IMPA1: variants seen among roughly 807,000 people sequenced by gnomAD.
IMPA1 encodes the protein D-galactose 1-phosphate phosphatase.
In IMPA1, 21 loss-of-function variants were observed where a neutral mutation model predicts 34.9. The observed-to-expected ratio is 0.60, with a 90% CI of 0.43 to 0.87. The LOEUF is 0.87. Among genes scored for constraint, IMPA1 ranks in the 40% least tolerant of loss-of-function variants. IMPA1 has a pLI of 0.00. For synonymous variants in IMPA1, 95 were observed against 104.4 expected (o/e 0.91, Z 0.55); for missense variants, 299 against 336.4 (o/e 0.89, Z 0.87).
Position 81,659,452 on chromosome 8 carries a change from A to C in IMPA1, c.733T>G (p.Leu245Val). 2 of 1,595,808 alleles carry C rather than the reference A, an allele frequency of 1.3e-6. No individual in the cohort carries two copies. Among genetic ancestry groups the C allele is most frequent in the East Asian group, 2.2e-5 (1 of 44,742 alleles). ...GCAGCAATTACTCTTCGTGACATCA[A>C]ATCAAATGGTCCACCTAAAAGCAAA... The part of the protein sequence containing the change: ...LMDVTGGPFD[L>V]MSRRVIAANN... Residue 245 changes from leucine (L) to valine (V), a missense_variant, in exon 9 of 9, where the codon TTG becomes GTG. Leu to Val is a conservative substitution (Grantham distance 32, BLOSUM62 1). Coordinates refer to ENST00000256108, the MANE Select transcript of IMPA1 (RefSeq NM_005536.4).
chr8:81,658,060 T>C lies in IMPA1; in HGVS notation c.*1291A>G, dbSNP rs1806568281. 1 of 152,152 alleles carries C rather than the reference T, an allele frequency of 6.6e-6. No homozygotes were observed. The highest frequency in any genetic ancestry group is 1.5e-5 in the Non-Finnish European group (1 of 68,036). The allele number at this position is 152,152 out of a possible 1,614,324, so 9.4% of individuals were successfully genotyped here. On this transcript the variant is annotated 3_prime_UTR_variant, in exon 9 of 9. Coordinates refer to ENST00000256108, the MANE Select transcript of IMPA1 (RefSeq NM_005536.4). ...TGTTTTAAGTACATGTGATCAACAG[T>C]ACAAATAATTATAGCAGTCAAACCT...
intron 7 of IMPA1, among the ~76,000 whole-genome samples, chr8:81,666,214 AAAT>A (rs1172447379): frequency 6.6e-6 from 1 of 152,224 alleles, no homozygotes; most frequent in African/African-American, 2.4e-5. Flanking sequence ...TTAAGTAAGA[AAAT>A]AATATTAAAG....
chr8:81,674,477 A>T lies in IMPA1; in HGVS notation c.349-528T>A, dbSNP rs991999238. On this transcript the variant is annotated intron_variant, in intron 5 of 8. Transcript: ENST00000256108. The stretch of plus-strand genomic sequence containing the variant: ...CTGCCCTGATCACTCATTCTTCTGA[A>T]AGTCCCACAAAGAGAGTATCAACAA... 2.1e-5 allele frequency: 5 copies of T among 236,006 alleles called. No individual in the cohort carries two copies. The Admixed American group carries it at 2.7e-4, about 13-fold the overall frequency. 14.6% of individuals were successfully genotyped at this position (236,006 alleles called of 1,614,324 possible).
intron 7 of IMPA1, among the ~76,000 whole-genome samples, chr8:81,662,818 G>A (rs541466535): frequency 2.6e-5 from 4 of 152,144 alleles, no homozygotes; most frequent in Non-Finnish European, 5.9e-5. Flanking sequence ...CATGATGTCA[G>A]AAAATATCAT....
chr8:81,660,673 A>G lies in IMPA1; in HGVS notation c.567-6T>C. The G allele has an allele frequency of 1.3e-6, 2 of 1,589,436 alleles. No individual in the cohort carries two copies. The highest frequency in any genetic ancestry group is 2.2e-5 in the East Asian group (1 of 44,566). ...CTGTTCCAACACTCCGGATCCTAAC[A>G]AATAGAATTTAGAAATAAAATTGGA... On this transcript the variant is annotated splice_region_variant and splice_polypyrimidine_tract_variant and intron_variant, in intron 7 of 8. Coordinates refer to ENST00000256108, the MANE Select transcript of IMPA1 (RefSeq NM_005536.4).
intron 6 of IMPA1, among the ~76,000 whole-genome samples, chr8:81,672,402 A>G (rs1028477561): frequency 1.3e-5 from 2 of 152,216 alleles, no homozygotes; most frequent in African/African-American, 4.8e-5. Context: ...GAGTTAAATA[A>G]TTGCCACTTG....
rs578072023 is a variant in IMPA1 at position 81,670,345 on chromosome 8, T to C, written c.566+594A>G. On this transcript the variant is annotated intron_variant, in intron 7 of 8. Coordinates refer to ENST00000256108, the MANE Select transcript of IMPA1 (RefSeq NM_005536.4). ...ATCAATAAACATAAAGGAATTATAA[T>C]AAATTTTCTAATCAAAAAGGAAAAA... Among the ~76,000 whole-genome samples, 199 of 151,086 alleles carry C rather than the reference T, an allele frequency of 1.3e-3. 1 individual carries two copies. Among genetic ancestry groups the C allele is most frequent in the African/African-American group, 4.7e-3 (190 of 40,852 alleles).
chr8:81,671,304 C>G (rs1179885947), intron 6 of IMPA1, among the ~76,000 whole-genome samples: 1 of 151,992 alleles, frequency 6.6e-6, no homozygotes, highest in African/African-American at 2.4e-5. Flanking sequence ...TAGTGGGAAA[C>G]AGCAAATGTC....
intron 7 of IMPA1, among the ~76,000 whole-genome samples, chr8:81,663,630 A>T (rs757399428): frequency 4.1e-4 from 63 of 152,236 alleles, no homozygotes; most frequent in Non-Finnish European, 2.5e-4. Context: ...TTTCACAAAG[A>T]AAAAGACAGA....
In IMPA1 at chr8:81,673,886, C is replaced by T; in HGVS notation, c.412G>A (p.Gly138Ser). The T allele has an allele frequency of 6.2e-7, 1 of 1,613,140 alleles. No homozygotes were observed. Among genetic ancestry groups the T allele is most frequent in the Non-Finnish European group, 8.5e-7 (1 of 1,179,236 alleles). ...AGTTTTTGACCATTACAAAAGGCAC[C>T]TTTTCCTTTTCTGGCAGTGTACATC... is the stretch of plus-strand genomic sequence containing the variant. ...GKMYTARKGK[G>S]AFCNGQKLQV... The change falls in exon 6 of 9, where the codon GGT becomes AGT. Residue 138 changes from glycine (G) to serine (S), a missense_variant. Transcript: ENST00000256108.
At chr8:81,676,300 A>G (rs372040897) in intron 4 of IMPA1, 21 bp from the exon 5 acceptor site, 1 of 1,189,898 alleles carries the variant, frequency 8.4e-7, no homozygotes, top group African/African-American at 1.6e-5. Flanking sequence ...AAAAAAGGAC[A>G]AAATACAAAT....
intron 3 of IMPA1, among the ~76,000 whole-genome samples, chr8:81,680,181 G>A (rs1807255598): frequency 6.6e-6 from 1 of 151,272 alleles, no homozygotes; most frequent in Non-Finnish European, 1.5e-5. Flanking sequence ...CGTCCTTCAA[G>A]AGGTGGAGCC....
chr8:81,661,027 C>A (rs1474329357), intron 7 of IMPA1, among the ~76,000 whole-genome samples: 4 of 152,058 alleles, frequency 2.6e-5, no homozygotes, highest in Non-Finnish European at 5.9e-5. Context: ...TATACACATA[C>A]CCACAATGCA....
chr8:81,662,017 A>G (rs968280057), intron 7 of IMPA1, among the ~76,000 whole-genome samples: 1 of 152,228 alleles, frequency 6.6e-6, no homozygotes, highest in Non-Finnish European at 1.5e-5. Context: ...AAATAAAAAA[A>G]TTGCACCTAA....
In IMPA1 at chr8:81,659,183, G is replaced by C; in HGVS notation, c.*168C>G. On this transcript the variant is annotated 3_prime_UTR_variant, in exon 9 of 9. Transcript: ENST00000256108. ...TTTAAATCAGTGAAACAAACATTAT[G>C]TCAATTCTTGCAAACCTAGACATAG... The C allele has an allele frequency of 3.3e-6, 2 of 607,842 alleles. No homozygotes were observed. The highest frequency in any genetic ancestry group is 5.8e-6 in the Non-Finnish European group (2 of 344,822). The allele number at this position is 607,842 out of a possible 1,614,324, so 37.7% of individuals were successfully genotyped here.
Position 81,680,771 on chromosome 8 carries a change from C to G in IMPA1, c.76G>C (p.Ala26Pro). 6.2e-7 allele frequency: 1 copy of G among 1,603,402 alleles called. No homozygotes were observed. Among genetic ancestry groups the G allele is most frequent in the South Asian group, 1.1e-5 (1 of 90,144 alleles). Residue 26 changes from alanine to proline, a missense_variant, in exon 3 of 9, where the codon GCT becomes CCT. Ala to Pro is a conservative substitution (Grantham distance 27). Coordinates refer to ENST00000256108, the MANE Select transcript of IMPA1 (RefSeq NM_005536.4). ...ATAACATTCATTTCATTTTTTATAG[C>G]TTCACAAACTACCTAAAAAGAGGTT... is the stretch of plus-strand genomic sequence containing the variant. ...ARQAGEVVCE[A>P]IKNEMNVMLK...
chr8:81,673,565 T>G (rs1807049230), intron 6 of IMPA1, among the ~76,000 whole-genome samples: 1 of 152,232 alleles, frequency 6.6e-6, no homozygotes, highest in African/African-American at 2.4e-5. Flanking sequence ...GATTGAGACC[T>G]GTCTCAGATA....
chr8:81,682,764 T>C (rs139339703), intron 1 of IMPA1, among the ~76,000 whole-genome samples: 1 of 152,288 alleles, frequency 6.6e-6, no homozygotes, highest in Non-Finnish European at 1.5e-5. Flanking sequence ...AGCACTAATG[T>C]AACTCTACAA....
chr8:81,671,178 A>T, intron 6 of IMPA1, 131 bp from the exon 7 acceptor site: 1 of 480,220 alleles, frequency 2.1e-6, no homozygotes, highest in South Asian at 4.2e-5. Flanking sequence ...AAATAATAAA[A>T]TACTGATAAA....
Sources: allele counts gnomAD v4.1 joint callset (sites outside exome capture counted in the v4.1 genomes callset), GRCh38; gene constraint gnomAD v4.1.1; transcripts MANE v1.5; gene names NCBI Gene and HGNC (gene_info 2026-07-23, HGNC 2026-07-21).